The following MTRES1 variants were observed in gnomAD, a reference collection of about 807,000 sequenced individuals.
The protein encoded by MTRES1 is uncharacterized protein C6orf203.
In MTRES1, 11 loss-of-function variants were observed where a neutral mutation model predicts 17.4. The observed-to-expected ratio is 0.63, with a 90% CI of 0.40 to 1.05. The LOEUF (loss-of-function observed/expected upper bound fraction) is 1.05, where lower values mean the gene tolerates loss of function less well. Ranked by LOEUF, MTRES1 falls within the 50% of genes least tolerant of loss-of-function variation. The pLI, the probability that MTRES1 is intolerant of heterozygous loss-of-function variation, is 0.00. For missense variants in MTRES1, 268 were observed against 276.2 expected (o/e 0.97, Z 0.21); for synonymous variants, 94 against 99.6 (o/e 0.94, Z 0.34).
chr6:107,031,396 A>AG (rs1363587477), intron 1 of MTRES1, among the ~76,000 whole-genome samples: 2 of 148,118 alleles, frequency 1.4e-5, no homozygotes, highest in Non-Finnish European at 3.0e-5. Flanking sequence ...AAAAAAAAAA[A>AG]AAAGAAAAAA....
rs782474285 is a variant in MTRES1 at position 107,039,768 on chromosome 6, T to C, written c.8T>C (p.Met3Thr). 7.5e-6 allele frequency: 12 copies of C among 1,601,416 alleles called. No individual in the cohort carries two copies. The highest frequency in any genetic ancestry group is 9.3e-6 in the Non-Finnish European group (11 of 1,176,742). MA[M>T]ASVKLLAGVL... Reference sequence around the variant, plus strand: ...TTTCAGATTATAAGCGCCATGGCTATGGCTAGTGTTAAATTGCTTGCCGGT... The same window carrying C: ...TTTCAGATTATAAGCGCCATGGCTACGGCTAGTGTTAAATTGCTTGCCGGT... The change falls in exon 2 of 4, where the codon ATG (methionine) becomes ACG (threonine). Residue 3 changes from methionine (M) to threonine (T), a missense_variant. By Grantham distance (81) the Met-to-Thr change is moderately conservative. Transcript: ENST00000311381.
chr6:107,042,075 T>C (rs1774236131), intron 2 of MTRES1, among the ~76,000 whole-genome samples: 1 of 151,122 alleles, frequency 6.6e-6, no homozygotes, highest in Admixed American at 6.6e-5. Flanking sequence ...GTGTGGTGGC[T>C]CACGCCTGTA....
chr6:107,050,888 C>G (rs1774580292), intron 3 of MTRES1, among the ~76,000 whole-genome samples, 169 bp from the exon 4 acceptor site: 1 of 152,144 alleles, frequency 6.6e-6, no homozygotes, highest in Non-Finnish European at 1.5e-5. Context: ...TTCACCCTCC[C>G]TTTCACGCTG....
At chr6:107,045,537 G>T (rs753679761) in intron 3 of MTRES1, among the ~76,000 whole-genome samples, 1 of 151,438 alleles carries the variant, frequency 6.6e-6, no homozygotes, top group Non-Finnish European at 1.5e-5. Flanking sequence ...AGTAAGTTAC[G>T]TATATATATA....
intron 2 of MTRES1, chr6:107,041,005 T>A (rs1774186645): frequency 6.6e-6 from 1 of 151,752 alleles, no homozygotes; most frequent in African/African-American, 2.4e-5. Flanking sequence ...GGCGGGCGGA[T>A]CACAAGGTCA....
intron 2 of MTRES1, among the ~76,000 whole-genome samples, chr6:107,043,810 T>C (rs1774298024): frequency 6.6e-6 from 1 of 152,200 alleles, no homozygotes; most frequent in African/African-American, 2.4e-5. Context: ...TATTTCTATA[T>C]TTTAAAGCAC....
At chr6:107,041,017 G>T (rs960710926) in intron 2 of MTRES1, 1 of 151,672 alleles carries the variant, frequency 6.6e-6, no homozygotes, top group Non-Finnish European at 1.5e-5. Flanking sequence ...ACAAGGTCAG[G>T]AGATCGAGAC....
At chr6:107,029,726 C>T (rs769786352) in intron 1 of MTRES1, among the ~76,000 whole-genome samples, 4 of 152,022 alleles carry the variant, frequency 2.6e-5, no homozygotes, top group Non-Finnish European at 4.4e-5. Flanking sequence ...TCAAGTGATC[C>T]GCCCGCCTCA....
At chr6:107,045,541 A>C (rs1036471845) in intron 3 of MTRES1, among the ~76,000 whole-genome samples, 1 of 152,088 alleles carries the variant, frequency 6.6e-6, no homozygotes, top group Non-Finnish European at 1.5e-5. Flanking sequence ...AGTTACGTAT[A>C]TATATACATC....
At chr6:107,040,269 GTCA>G in intron 2 of MTRES1, 39 bp downstream of exon 2, 2 of 1,534,514 alleles carry the variant, frequency 1.3e-6, no homozygotes, top group African/African-American at 1.4e-5. Context: ...CTCGCTCGTA[GTCA>G]TGTTATTTTA....
chr6:107,037,366 G>C (rs1285241125), intron 1 of MTRES1, among the ~76,000 whole-genome samples: 1 of 151,774 alleles, frequency 6.6e-6, no homozygotes, highest in African/African-American at 2.4e-5. Flanking sequence ...CACCATGCCT[G>C]GCTCCAGCTA....
rs782097409 is a variant in MTRES1, at chr6:107,039,848, C to T, written c.88C>T (p.Pro30Ser). ...IGLWGVLRGT[P>S]SSYKLCTSWN... is the part of the protein sequence containing the mutation. ...ACTCTGGGGTGTTCTCCGAGGGACA[C>T]CTTCATCATACAAACTCTGTACTTC... is the stretch of plus-strand genomic sequence containing the variant. Residue 30 changes from proline (P) to serine (S), a missense_variant, in exon 2 of 4, where the codon CCT (proline) becomes TCT (serine). By Grantham distance (74) the Pro-to-Ser change is moderately conservative. Coordinates refer to ENST00000311381, the MANE Select transcript of MTRES1 (RefSeq NM_016487.5). 5 of 1,614,010 alleles carry T rather than the reference C, an allele frequency of 3.1e-6. No homozygotes were observed. In the Admixed American group the frequency reaches 8.3e-5, roughly 27 times the overall value.
intron 1 of MTRES1, among the ~76,000 whole-genome samples, chr6:107,039,012 C>A (rs1171689992): frequency 6.6e-6 from 1 of 152,064 alleles, no homozygotes; most frequent in Non-Finnish European, 1.5e-5. Context: ...CGAGATCACG[C>A]CATTGCACTC....
chr6:107,030,728 A>C (rs1300384131), intron 1 of MTRES1, among the ~76,000 whole-genome samples: 10 of 152,208 alleles, frequency 6.6e-5, no homozygotes, highest in African/African-American at 2.4e-4. Context: ...TTTCCAGCAC[A>C]GTGAGCCACT....
At chr6:107,039,508 T>G (rs1231439617) in intron 1 of MTRES1, among the ~76,000 whole-genome samples, 1 of 151,822 alleles carries the variant, frequency 6.6e-6, no homozygotes, top group Non-Finnish European at 1.5e-5. Context: ...TTAGTAGAGA[T>G]GGGGTTTTGC....
At chr6:107,043,911 G>C (rs548569865) in intron 2 of MTRES1, among the ~76,000 whole-genome samples, 2 of 152,180 alleles carry the variant, frequency 1.3e-5, no homozygotes, top group African/African-American at 4.8e-5. Context: ...GGCGGATCAC[G>C]AGGTCAGGAG....
chr6:107,029,775 C>G (rs914372539), intron 1 of MTRES1, among the ~76,000 whole-genome samples: 1 of 152,142 alleles, frequency 6.6e-6, no homozygotes, highest in Non-Finnish European at 1.5e-5. Flanking sequence ...TGAGCCACCG[C>G]GCCCATACTA....
At chr6:107,048,428 C>T (rs1311482129) in intron 3 of MTRES1, among the ~76,000 whole-genome samples, 1 of 151,804 alleles carries the variant, frequency 6.6e-6, no homozygotes, top group Non-Finnish European at 1.5e-5. Context: ...CCACGCCTGG[C>T]CTGTATTTCT....
chr6:107,046,450 AG>A (rs1461234185), intron 3 of MTRES1, among the ~76,000 whole-genome samples: 5 of 151,946 alleles, frequency 3.3e-5, no homozygotes, highest in African/African-American at 1.2e-4. Context: ...GGGTCAGCAA[AG>A]GAAGGGGGCA....
Sources: allele counts gnomAD v4.1 joint callset (sites outside exome capture counted in the v4.1 genomes callset), GRCh38; gene constraint gnomAD v4.1.1; transcripts MANE v1.5; gene names NCBI Gene and HGNC (gene_info 2026-07-23, HGNC 2026-07-21).